The following MPZL3 variants were observed in gnomAD, a reference collection of about 807,000 sequenced individuals.
MPZL3 encodes the protein myelin protein zero like 3, also known as myelin protein zero-like protein 3.
A neutral mutation model predicts 24.8 loss-of-function variants in MPZL3; 23 were observed. That is an observed-to-expected ratio of 0.93 (90% CI 0.67 to 1.31). The LOEUF is 1.31. Among genes scored for constraint, MPZL3 ranks in the 40% most tolerant of loss-of-function variants. The probability of loss-of-function intolerance (pLI) is 0.00; values close to 1 mark genes in which losing one functional copy is unlikely to be tolerated. For missense variants in MPZL3, 277 were observed against 294.9 expected, an observed-to-expected ratio of 0.94 and a Z score of 0.44; for synonymous variants, 99 against 106.5, an observed-to-expected ratio of 0.93 and a Z score of 0.44.
At chr11:118,244,525 G>A (rs1445831092) in intron 1 of MPZL3, among the ~76,000 whole-genome samples, 1 of 152,166 alleles carries the variant, frequency 6.6e-6, no homozygotes, top group African/African-American at 2.4e-5. Flanking sequence ...ATTCTAGGCA[G>A]AAGACACAGC....
intron 1 of MPZL3, among the ~76,000 whole-genome samples, chr11:118,246,586 T>TTTTC (rs1491268130): frequency 1.2e-4 from 2 of 16,790 alleles, no homozygotes; most frequent in African/African-American, 9.3e-4. Flanking sequence ...TTTTCTTTTC[T>TTTTC]TTTTTTTTTT....
At chr11:118,236,108 T>A (rs991713864) in intron 3 of MPZL3, among the ~76,000 whole-genome samples, 1 of 152,200 alleles carries the variant, frequency 6.6e-6, no homozygotes, top group East Asian at 1.9e-4. Flanking sequence ...TTCCTTAAGA[T>A]GAAATTTACA....
chr11:118,240,728 C>T (rs1169108849), intron 1 of MPZL3, among the ~76,000 whole-genome samples: 4 of 136,990 alleles, frequency 2.9e-5, no homozygotes, highest in Admixed American at 2.3e-4. Flanking sequence ...TTCCATCCCC[C>T]GCAGACACAC....
At chr11:118,241,207 G>C (rs1435676765) in intron 1 of MPZL3, among the ~76,000 whole-genome samples, 1 of 152,120 alleles carries the variant, frequency 6.6e-6, no homozygotes, top group Non-Finnish European at 1.5e-5. Flanking sequence ...TTCCCTACAG[G>C]GGCATATTTT....
chr11:118,227,864 G>A lies in MPZL3; in HGVS notation c.*2030C>T, dbSNP rs1314583495. On this transcript the variant is annotated 3_prime_UTR_variant, in exon 6 of 6. Transcript: ENST00000278949. Reference sequence around the variant, plus strand: ...ACCATCTCTTTCTTGGAGAAATGAGGACCTGCAAAATAGTCCCCCTCACAA... The same window carrying A: ...ACCATCTCTTTCTTGGAGAAATGAGAACCTGCAAAATAGTCCCCCTCACAA... 6.6e-6 allele frequency: 1 copy of A among 152,148 alleles called. No homozygotes were observed. Among genetic ancestry groups the A allele is most frequent in the Non-Finnish European group, 1.5e-5 (1 of 68,030 alleles). 9.4% of individuals were successfully genotyped at this position (152,148 alleles called of 1,614,324 possible). A position where few individuals can be genotyped will look rare whatever the true frequency, so the allele number is the denominator to read the frequency against.
intron 1 of MPZL3, among the ~76,000 whole-genome samples, chr11:118,241,873 C>G (rs1043596443): frequency 6.6e-5 from 10 of 152,198 alleles, no homozygotes; most frequent in African/African-American, 2.4e-4. Context: ...TCTGGTCTGC[C>G]TATGGCACCC....
chr11:118,252,087 G>A (rs1949625634), intron 1 of MPZL3, 135 bp downstream of exon 1: 1 of 826,790 alleles, frequency 1.2e-6, no homozygotes, highest in East Asian at 2.5e-5. Flanking sequence ...TCGTCCCAAC[G>A]TCCCGCTCCC....
chr11:118,236,931 T>C (rs570599078), intron 3 of MPZL3, 119 bp downstream of exon 3: 1 of 779,958 alleles, frequency 1.3e-6, no homozygotes, highest in Admixed American at 2.8e-5. Flanking sequence ...TTCGATTCAA[T>C]GATTTAATGA....
chr11:118,243,886 G>A (rs866968000), intron 1 of MPZL3, among the ~76,000 whole-genome samples: 1 of 151,712 alleles, frequency 6.6e-6, no homozygotes, highest in Non-Finnish European at 1.5e-5. Context: ...TTTCTTTAAC[G>A]CTGTAATATT....
At chr11:118,242,781 C>T (rs188094315) in intron 1 of MPZL3, among the ~76,000 whole-genome samples, 1 of 152,334 alleles carries the variant, frequency 6.6e-6, no homozygotes, top group Non-Finnish European at 1.5e-5. Flanking sequence ...CTTTCTCCTC[C>T]TAACACTAGG....
intron 1 of MPZL3, among the ~76,000 whole-genome samples, chr11:118,242,175 T>C (rs1949506214): frequency 6.6e-6 from 1 of 152,236 alleles, no homozygotes; most frequent in Non-Finnish European, 1.5e-5. Context: ...ACTTGAGTTC[T>C]AGCTCAGCTA....
At chr11:118,245,271 G>A (rs990032774) in intron 1 of MPZL3, among the ~76,000 whole-genome samples, 1 of 152,180 alleles carries the variant, frequency 6.6e-6, no homozygotes, top group Admixed American at 6.5e-5. Context: ...GGTGGTGGGA[G>A]GCAGAGGTTG....
At chr11:118,234,977 G>A (rs543259184) in intron 4 of MPZL3, among the ~76,000 whole-genome samples, 5 of 151,682 alleles carry the variant, frequency 3.3e-5, no homozygotes, top group Admixed American at 1.3e-4. Flanking sequence ...GAATATATGC[G>A]GACCAAGAAT....
intron 1 of MPZL3, among the ~76,000 whole-genome samples, chr11:118,251,845 T>C (rs1415508321): frequency 1.3e-5 from 2 of 152,218 alleles, no homozygotes; most frequent in Middle Eastern, 3.2e-3. Flanking sequence ...TACTGAATGC[T>C]AGAACTGTTT....
At chr11:118,243,344 A>G (rs765584419) in intron 1 of MPZL3, among the ~76,000 whole-genome samples, 5 of 152,204 alleles carry the variant, frequency 3.3e-5, no homozygotes, top group Non-Finnish European at 5.9e-5. Flanking sequence ...TAAACGGCCC[A>G]GGCACACACA....
intron 4 of MPZL3, among the ~76,000 whole-genome samples, chr11:118,233,727 C>T (rs1177792959): frequency 6.6e-6 from 1 of 152,168 alleles, no homozygotes; most frequent in Non-Finnish European, 1.5e-5. Context: ...GGCGCAGTGG[C>T]TCATGCCTGT....
At chr11:118,247,388 C>T (rs1949568504) in intron 1 of MPZL3, among the ~76,000 whole-genome samples, 1 of 152,162 alleles carries the variant, frequency 6.6e-6, no homozygotes, top group Admixed American at 6.6e-5. Context: ...AAAAGGTCCA[C>T]ATACATAGGG....
intron 2 of MPZL3, among the ~76,000 whole-genome samples, chr11:118,239,118 GGA>G (rs2134704441): frequency 6.6e-6 from 1 of 152,334 alleles, no homozygotes; most frequent in South Asian, 2.1e-4. Flanking sequence ...AGCAGCACTA[GGA>G]GAGAGCTGCT....
intron 2 of MPZL3, among the ~76,000 whole-genome samples, chr11:118,238,118 C>T (rs549383627): frequency 4.8e-4 from 72 of 148,942 alleles, no homozygotes; most frequent in African/African-American, 1.6e-3. Flanking sequence ...GCCTCGGCAA[C>T]GGAGCTAGAC....
Sources: allele counts gnomAD v4.1 joint callset (sites outside exome capture counted in the v4.1 genomes callset), GRCh38; gene constraint gnomAD v4.1.1; transcripts MANE v1.5; gene names NCBI Gene and HGNC (gene_info 2026-07-23, HGNC 2026-07-21).